FRMPD4: variants seen among roughly 807,000 people sequenced by gnomAD.
FRMPD4 encodes the protein FERM and PDZ domain containing 4.
FRMPD4 carries 22 observed loss-of-function variants against 94.1 expected under a neutral mutation model. The observed-to-expected ratio is 0.23, with a 90% CI of 0.17 to 0.33. FRMPD4 has a LOEUF of 0.33. FRMPD4 is among the 10% of genes least tolerant of loss of function. The pLI is 1.00. For synonymous variants in FRMPD4, 631 were observed against 548.6 expected, an observed-to-expected ratio of 1.15 and a Z score of -2.10; for missense variants, 1,111 against 1,339.9, an observed-to-expected ratio of 0.83 and a Z score of 2.67.
intron 3 of FRMPD4, among the ~76,000 whole-genome samples, chrX:12,109,663 T>C (rs1339521477): frequency 9.0e-6 from 1 of 110,589 alleles, no homozygotes; most frequent in South Asian, 3.8e-4. Context: ...TCAACAAAAT[T>C]GATAGACCGC....
At chrX:11,929,597 T>C (rs753550650) in intron 3 of FRMPD4, among the ~76,000 whole-genome samples, 1 of 112,578 alleles carries the variant, frequency 8.9e-6, no homozygotes, top group Non-Finnish European at 1.9e-5. Flanking sequence ...AAAGCTAGTC[T>C]TAACCTGACT....
At chrX:12,060,388 T>C (rs775542277) in intron 3 of FRMPD4, among the ~76,000 whole-genome samples, 21 of 106,533 alleles carry the variant, frequency 2.0e-4, no homozygotes, top group African/African-American at 6.5e-4. Flanking sequence ...TTTTCATATG[T>C]TGCTGGCTGT....
chrX:12,041,937 G>A (rs1217458614), intron 3 of FRMPD4, among the ~76,000 whole-genome samples: 1 of 111,358 alleles, frequency 9.0e-6, no homozygotes, highest in Non-Finnish European at 1.9e-5. Flanking sequence ...TGTGAATTTT[G>A]CATTTTGCTT....
At chrX:12,211,686 A>G (rs1397941587) in intron 1 of FRMPD4, among the ~76,000 whole-genome samples, 1 of 112,075 alleles carries the variant, frequency 8.9e-6, no homozygotes, top group Non-Finnish European at 1.9e-5. Context: ...TTATACTGCA[A>G]TTATGCATTT....
At chrX:12,292,709 C>T (rs2054708299) in intron 1 of FRMPD4, among the ~76,000 whole-genome samples, 1 of 111,404 alleles carries the variant, frequency 9.0e-6, no homozygotes, top group African/African-American at 3.3e-5. Context: ...ACTGGTTATG[C>T]CAGTTTAAAT....
At chrX:11,831,544 T>G (rs2053475088) in intron 1 of FRMPD4, among the ~76,000 whole-genome samples, 1 of 111,752 alleles carries the variant, frequency 8.9e-6, no homozygotes, top group African/African-American at 3.3e-5. Flanking sequence ...AGTCTGGGGC[T>G]CTTAGGAGAG....
At chrX:12,165,659 A>G (rs1286198024) in intron 1 of FRMPD4, among the ~76,000 whole-genome samples, 1 of 111,341 alleles carries the variant, frequency 9.0e-6, no homozygotes, top group Non-Finnish European at 1.9e-5. Context: ...CATTTTCACG[A>G]TATTGATTCT....
chrX:12,112,940 G>A (rs752271005), intron 3 of FRMPD4, among the ~76,000 whole-genome samples: 2 of 111,421 alleles, frequency 1.8e-5, no homozygotes, highest in South Asian at 7.7e-4. Context: ...CTAGCTAAAT[G>A]GTTGGTTCAA....
intron 4 of FRMPD4, among the ~76,000 whole-genome samples, chrX:12,641,160 AGG>A (rs2059496323): frequency 9.0e-6 from 1 of 111,709 alleles, no homozygotes; most frequent in South Asian, 3.8e-4. Flanking sequence ...GTGACTTAAT[AGG>A]GAGAGTTCTC....
intron 2 of FRMPD4, among the ~76,000 whole-genome samples, chrX:11,865,847 A>C (rs1315122190): frequency 8.9e-6 from 1 of 112,130 alleles, no homozygotes; most frequent in Non-Finnish European, 1.9e-5. Flanking sequence ...CAAGTCTTTG[A>C]CATGTAACTA....
intron 3 of FRMPD4, among the ~76,000 whole-genome samples, chrX:11,904,275 C>T (rs762725135): frequency 5.4e-4 from 60 of 111,797 alleles, no homozygotes; most frequent in African/African-American, 1.9e-3. Context: ...CAAGAAAAGC[C>T]AGGCAGAGCC....
At chrX:12,054,280 G>A (rs905624792) in intron 3 of FRMPD4, among the ~76,000 whole-genome samples, 2 of 110,659 alleles carry the variant, frequency 1.8e-5, no homozygotes, top group East Asian at 2.8e-4. Context: ...CCAATTATGG[G>A]CTTCAGGGTG....
chrX:12,490,017 T>C (rs1393758114), intron 1 of FRMPD4, among the ~76,000 whole-genome samples: 1 of 111,245 alleles, frequency 9.0e-6, no homozygotes, highest in African/African-American at 3.3e-5. Context: ...GAGTCCTCAA[T>C]GAAACGTTTT....
At chrX:12,440,328 G>C (rs1040205009) in intron 1 of FRMPD4, among the ~76,000 whole-genome samples, 1 of 111,851 alleles carries the variant, frequency 8.9e-6, no homozygotes, top group Admixed American at 9.5e-5. Flanking sequence ...TTGAGGATTT[G>C]TATTTAAATA....
At chrX:12,086,562 G>A (rs1408071658) in intron 3 of FRMPD4, among the ~76,000 whole-genome samples, 1 of 111,601 alleles carries the variant, frequency 9.0e-6, no homozygotes, top group Non-Finnish European at 1.9e-5. Context: ...GAGAGAATTT[G>A]GGTGCTTAAG....
chrX:12,461,446 TA>T (rs2057389841), intron 1 of FRMPD4, among the ~76,000 whole-genome samples: 1 of 112,084 alleles, frequency 8.9e-6, no homozygotes, highest in Non-Finnish European at 1.9e-5. Flanking sequence ...CAGTCTTTGC[TA>T]TCTGTTGATC....
rs1335857757 is a variant in FRMPD4 at position 12,428,779 on chromosome X, A to AT, written c.42-69893dup. On this transcript the variant is annotated intron_variant, in intron 1 of 16. Coordinates refer to ENST00000675598, the MANE Select transcript of FRMPD4 (RefSeq NM_001368397.1). ...CATCTGATTTCCTCTGATTTCTTTCATTTTTTTTCTTAATTTTCATCATTT... is the reference window on the plus strand; with the variant it reads ...CATCTGATTTCCTCTGATTTCTTTCATTTTTTTTTCTTAATTTTCATCATTT... Among the ~76,000 whole-genome samples, 17 of 104,946 alleles carry AT rather than the reference A, an allele frequency of 1.6e-4. No individual in the cohort carries two copies. The South Asian group carries it at 4.6e-3, about 29-fold the overall frequency. 91.1% of individuals were successfully genotyped at this position (104,946 alleles called of 115,157 possible). A position where few individuals can be genotyped will look rare whatever the true frequency, so the allele number is the denominator to read the frequency against.
chrX:12,313,474 A>G, intron 1 of FRMPD4, among the ~76,000 whole-genome samples: 1 of 112,695 alleles, frequency 8.9e-6, no homozygotes, highest in East Asian at 2.8e-4. Context: ...GCTCTCAAGG[A>G]GATGAGATCT....
At chrX:12,165,331 G>C (rs1404456928) in intron 1 of FRMPD4, among the ~76,000 whole-genome samples, 5 of 111,873 alleles carry the variant, frequency 4.5e-5, no homozygotes, top group South Asian at 3.7e-4. Flanking sequence ...GCTTGTTTTT[G>C]TCAGGTTTGT....
Sources: allele counts gnomAD v4.1 joint callset (sites outside exome capture counted in the v4.1 genomes callset), GRCh38; gene constraint gnomAD v4.1.1; transcripts MANE v1.5; gene names NCBI Gene and HGNC (gene_info 2026-07-23, HGNC 2026-07-21).